NAV3: variants seen among roughly 807,000 people sequenced by gnomAD.
NAV3 encodes the protein neuron navigator 3.
In NAV3, 87 loss-of-function variants were observed where a neutral mutation model predicts 244.7. The ratio of observed to expected loss-of-function variants is 0.36; its 90% CI spans 0.30 to 0.42. The LOEUF is 0.42. Ranked by LOEUF, NAV3 falls within the 20% of genes least tolerant of loss-of-function variation. The pLI, the probability that NAV3 is intolerant of heterozygous loss-of-function variation, is 1.00. For missense variants in NAV3, 2,663 were observed against 2,893.3 expected, an observed-to-expected ratio of 0.92 and a Z score of 1.83; for synonymous variants, 1,126 against 1,042.2, an observed-to-expected ratio of 1.08 and a Z score of -1.55.
chr12:77,750,842 C>G (rs12305728), intron 2 of NAV3, among the ~76,000 whole-genome samples: 1 of 152,160 alleles, frequency 6.6e-6, no homozygotes, highest in Non-Finnish European at 1.5e-5. Context: ...GAATGTAGCA[C>G]TCACAGCAAG....
At chr12:78,039,973 C>T (rs1358765412) in intron 9 of NAV3, among the ~76,000 whole-genome samples, 3 of 152,054 alleles carry the variant, frequency 2.0e-5, no homozygotes, top group African/African-American at 7.2e-5. Context: ...CACAACATTG[C>T]TGTGATTAAA....
chr12:77,831,947 C>T (rs1873782655), intron 1 of NAV3, among the ~76,000 whole-genome samples: 1 of 152,108 alleles, frequency 6.6e-6, no homozygotes, highest in African/African-American at 2.4e-5. Context: ...TTTAATACTA[C>T]TTATTGATGA....
intron 1 of NAV3, among the ~76,000 whole-genome samples, chr12:77,934,789 T>C (rs1391052482): frequency 6.6e-6 from 1 of 152,244 alleles, no homozygotes; most frequent in Non-Finnish European, 1.5e-5. Context: ...GCAGTGCTTA[T>C]AGAAATGTAA....
chr12:78,021,382 G>C (rs1488763111), intron 8 of NAV3, among the ~76,000 whole-genome samples: 1 of 152,038 alleles, frequency 6.6e-6, no homozygotes, highest in African/African-American at 2.4e-5. Context: ...AATTTTAGGT[G>C]TGATTTTAAT....
intron 2 of NAV3, among the ~76,000 whole-genome samples, chr12:77,598,852 A>G (rs1870291664): frequency 6.6e-6 from 1 of 152,024 alleles, no homozygotes; most frequent in African/African-American, 2.4e-5. Flanking sequence ...TGATAAGAAT[A>G]TTTAACATAA....
At chr12:77,716,420 A>G (rs11106404) in intron 2 of NAV3, among the ~76,000 whole-genome samples, 12,413 of 151,898 alleles carry the variant, frequency 0.082, 1,363 homozygotes, top group African/African-American at 0.25. Context: ...AATAAATGGT[A>G]CAAGTGGCAT....
chr12:78,067,174 T>A (rs1325131368), intron 12 of NAV3, among the ~76,000 whole-genome samples: 1 of 152,136 alleles, frequency 6.6e-6, no homozygotes, highest in East Asian at 1.9e-4. Context: ...ATTTTATCCA[T>A]GTTGATTTGT....
rs1434691695 is a variant in NAV3 at position 78,159,339 on chromosome 12, GATTCTTAAATA to G, written c.4869+56_4869+66del. On this transcript the variant is annotated intron_variant, in intron 23 of 39. Transcript: ENST00000397909. ...TGAAAGAAGACAGCAAATTGCATAGGATTCTTAAATAATACCTGAAGCTCCTTAAAAATAAT... is the reference window on the plus strand; with the variant it reads ...TGAAAGAAGACAGCAAATTGCATAGGATACCTGAAGCTCCTTAAAAATAAT... The G allele has an allele frequency of 9.1e-6, 13 of 1,435,276 alleles. No individual in the cohort carries two copies. In the African/African-American group the frequency reaches 1.6e-4, roughly 17 times the overall value. 88.9% of individuals were successfully genotyped at this position (1,435,276 alleles called of 1,614,324 possible).
chr12:77,839,374 A>G (rs970345964), intron 1 of NAV3, among the ~76,000 whole-genome samples: 1 of 152,208 alleles, frequency 6.6e-6, no homozygotes, highest in East Asian at 1.9e-4. Context: ...TTGAAAGCAC[A>G]GTTTATGTTC....
intron 3 of NAV3, among the ~76,000 whole-genome samples, chr12:77,961,404 A>G (rs1010462614): frequency 7.4e-6 from 1 of 135,128 alleles, no homozygotes; most frequent in African/African-American, 2.8e-5. Flanking sequence ...TATATTTAGT[A>G]TAAATGTTTA....
intron 12 of NAV3, among the ~76,000 whole-genome samples, chr12:78,074,664 A>G (rs1952953661): frequency 6.6e-6 from 1 of 152,212 alleles, no homozygotes; most frequent in African/African-American, 2.4e-5. Context: ...AGATCGTGTC[A>G]CTATACTCCA....
chr12:77,948,828 A>G (rs1324266499), intron 3 of NAV3, among the ~76,000 whole-genome samples: 1 of 151,762 alleles, frequency 6.6e-6, no homozygotes, highest in Non-Finnish European at 1.5e-5. Context: ...TAATACTCCT[A>G]TCTGAAAAAA....
At chr12:77,915,606 T>C (rs1487180098) in intron 1 of NAV3, among the ~76,000 whole-genome samples, 1 of 152,048 alleles carries the variant, frequency 6.6e-6, no homozygotes, top group Non-Finnish European at 1.5e-5. Flanking sequence ...GTAATTTTGC[T>C]ATGTTATACC....
At chr12:78,192,206 G>C (rs555061662) in intron 34 of NAV3, among the ~76,000 whole-genome samples, 1 of 151,848 alleles carries the variant, frequency 6.6e-6, no homozygotes, top group Non-Finnish European at 1.5e-5. Flanking sequence ...ACTTTTTTAT[G>C]AAATATTTCC....
At chr12:77,742,814 T>C (rs1338566075) in intron 2 of NAV3, among the ~76,000 whole-genome samples, 1 of 152,048 alleles carries the variant, frequency 6.6e-6, no homozygotes, top group East Asian at 1.9e-4. Context: ...ATGTTGCAAG[T>C]ATTTGCTTAA....
At chr12:77,761,081 G>A (rs1340271735) in intron 2 of NAV3, among the ~76,000 whole-genome samples, 1 of 152,024 alleles carries the variant, frequency 6.6e-6, no homozygotes, top group Admixed American at 6.6e-5. Flanking sequence ...TTTTTGAGAT[G>A]GAGTCTCATG....
intron 3 of NAV3, among the ~76,000 whole-genome samples, chr12:77,959,713 T>A (rs529496972): frequency 6.6e-6 from 1 of 151,772 alleles, no homozygotes; most frequent in Admixed American, 6.6e-5. Flanking sequence ...CAAAATATAA[T>A]GGTAACAAAT....
At chr12:78,073,519 C>G (rs1244955010) in intron 12 of NAV3, among the ~76,000 whole-genome samples, 1 of 152,050 alleles carries the variant, frequency 6.6e-6, no homozygotes, top group East Asian at 1.9e-4. Flanking sequence ...CTACAAACCA[C>G]TGCTCAAGGA....
intron 2 of NAV3, among the ~76,000 whole-genome samples, chr12:77,668,207 A>G (rs1398084577): frequency 6.6e-6 from 1 of 152,164 alleles, no homozygotes; most frequent in Non-Finnish European, 1.5e-5. Flanking sequence ...CATTCTAGTA[A>G]TATGACCAAA....
Sources: gnomAD v4.1 joint callset for allele counts (sites outside exome capture counted in the v4.1 genomes callset) on GRCh38, gnomAD v4.1.1 for gene constraint, MANE v1.5 for transcripts, NCBI Gene and HGNC (gene_info 2026-07-23, HGNC 2026-07-21) for gene names.